CA10: variants seen among roughly 807,000 people sequenced by gnomAD.
CA10 encodes the protein carbonic anhydrase-related protein 10.
CA10 carries 14 observed loss-of-function variants against 44.2 expected under a neutral mutation model. That is an observed-to-expected ratio of 0.32 (90% CI 0.21 to 0.50). The LOEUF (loss-of-function observed/expected upper bound fraction) is 0.50, where lower values mean the gene tolerates loss of function less well. Among genes scored for constraint, CA10 ranks in the 20% least tolerant of loss-of-function variants. The probability of loss-of-function intolerance (pLI) is 0.99; values close to 1 mark genes in which losing one functional copy is unlikely to be tolerated. For missense variants in CA10, 350 were observed against 409.7 expected (o/e 0.85, Z 1.26); for synonymous variants, 159 against 141.6 (o/e 1.12, Z -0.87).
chr17:51,855,685 C>T (rs74485878), intron 3 of CA10, among the ~76,000 whole-genome samples: 1,617 of 152,324 alleles, frequency 0.011, 10 homozygotes, highest in Non-Finnish European at 0.016. Flanking sequence ...GGTGCTGGCT[C>T]GTCTCTTCAA....
chr17:51,702,958 T>C lies in CA10; in HGVS notation c.465+44675A>G, dbSNP rs9906354. On this transcript the variant is annotated intron_variant, in intron 4 of 8. Transcript: ENST00000451037. ...TTACCCAGGACTTTGGGAATGGTCTTTTTGTAATACATTCTCCTCAAATAA... is the reference window on the plus strand; with the variant it reads ...TTACCCAGGACTTTGGGAATGGTCTCTTTGTAATACATTCTCCTCAAATAA... Among the ~76,000 whole-genome samples, 950 of 152,294 alleles carry C rather than the reference T, an allele frequency of 6.2e-3. 8 individuals are homozygous for C. The highest frequency in any genetic ancestry group is 0.022 in the African/African-American group (897 of 41,552).
intron 1 of CA10, among the ~76,000 whole-genome samples, chr17:52,124,491 A>G (rs759010437): frequency 6.6e-6 from 1 of 152,242 alleles, no homozygotes; most frequent in Non-Finnish European, 1.5e-5. Flanking sequence ...AATGAATGAT[A>G]TAAGTCATGT....
At chr17:52,075,606 T>C (rs1987797570) in intron 1 of CA10, among the ~76,000 whole-genome samples, 1 of 152,200 alleles carries the variant, frequency 6.6e-6, no homozygotes, top group African/African-American at 2.4e-5. Context: ...TTTCTAACTA[T>C]CTAATATGTT....
At chr17:51,903,562 C>A (rs1480375006) in intron 3 of CA10, among the ~76,000 whole-genome samples, 1 of 152,126 alleles carries the variant, frequency 6.6e-6, no homozygotes, top group African/African-American at 2.4e-5. Context: ...AGATCCCAAC[C>A]TGAAGCATCC....
chr17:52,066,882 A>G (rs1205072593), intron 2 of CA10, among the ~76,000 whole-genome samples: 1 of 152,178 alleles, frequency 6.6e-6, no homozygotes, highest in Non-Finnish European at 1.5e-5. Context: ...TTCTAAGCAG[A>G]AAACCATTCA....
At chr17:52,150,573 T>C (rs1032680371) in intron 1 of CA10, among the ~76,000 whole-genome samples, 4 of 152,158 alleles carry the variant, frequency 2.6e-5, no homozygotes, top group African/African-American at 9.6e-5. Flanking sequence ...AACCATAGAG[T>C]GGGTAAAATG....
chr17:51,687,432 A>G (rs1470588214), intron 4 of CA10, among the ~76,000 whole-genome samples: 2 of 152,228 alleles, frequency 1.3e-5, no homozygotes, highest in African/African-American at 4.8e-5. Flanking sequence ...TTCACTGCTA[A>G]ATTCTCAATG....
chr17:51,855,124 T>C (rs1279231411), intron 3 of CA10, among the ~76,000 whole-genome samples: 2 of 152,214 alleles, frequency 1.3e-5, no homozygotes, highest in East Asian at 3.8e-4. Context: ...TGTGTCTTTC[T>C]GCTTTGTTAC....
intron 3 of CA10, among the ~76,000 whole-genome samples, chr17:51,848,104 A>G (rs965699029): frequency 2.6e-5 from 4 of 152,176 alleles, no homozygotes; most frequent in Admixed American, 1.3e-4. Flanking sequence ...GATAAGTAAT[A>G]TTTTCATGCA....
intron 3 of CA10, among the ~76,000 whole-genome samples, chr17:51,928,506 C>A (rs1427532565): frequency 1.3e-5 from 2 of 152,098 alleles, no homozygotes; most frequent in African/African-American, 4.8e-5. Context: ...TAACGCAAGT[C>A]AGGGGCTTCC....
At chr17:52,000,817 A>C (rs1294365033) in intron 2 of CA10, among the ~76,000 whole-genome samples, 3 of 151,720 alleles carry the variant, frequency 2.0e-5, no homozygotes, top group Non-Finnish European at 2.9e-5. Context: ...CTGAGGTTCA[A>C]ATATTAAGAG....
chr17:51,932,054 T>C (rs1013169484), intron 2 of CA10, among the ~76,000 whole-genome samples: 3 of 152,050 alleles, frequency 2.0e-5, no homozygotes, highest in South Asian at 2.1e-4. Flanking sequence ...CATCCACCCA[T>C]AGTACATGCA....
At chr17:52,013,230 G>A (rs1985864338) in intron 2 of CA10, among the ~76,000 whole-genome samples, 1 of 151,874 alleles carries the variant, frequency 6.6e-6, no homozygotes, top group Non-Finnish European at 1.5e-5. Context: ...ATCAATGTAG[G>A]AGTAGTCAGA....
chr17:51,723,349 T>A (rs1916412132), intron 4 of CA10, among the ~76,000 whole-genome samples: 1 of 152,206 alleles, frequency 6.6e-6, no homozygotes, highest in Admixed American at 6.5e-5. Context: ...AATTGGAGGA[T>A]GAATCATGAA....
intron 4 of CA10, among the ~76,000 whole-genome samples, chr17:51,720,202 AT>A (rs1916308494): frequency 6.6e-6 from 1 of 152,202 alleles, no homozygotes; most frequent in Non-Finnish European, 1.5e-5. Flanking sequence ...GAATTATTCT[AT>A]TGAGTAATCT....
chr17:51,783,195 G>C (rs1341161927), intron 3 of CA10, among the ~76,000 whole-genome samples: 1 of 152,102 alleles, frequency 6.6e-6, no homozygotes, highest in Non-Finnish European at 1.5e-5. Context: ...ATGATAAGCA[G>C]GGTAATGCCC....
At chr17:51,887,507 G>C (rs892577487) in intron 3 of CA10, among the ~76,000 whole-genome samples, 2 of 152,174 alleles carry the variant, frequency 1.3e-5, no homozygotes, top group African/African-American at 4.8e-5. Context: ...GAACAGCAAA[G>C]TCTTTGGACT....
intron 4 of CA10, among the ~76,000 whole-genome samples, chr17:51,706,349 C>G (rs145741529): frequency 1.3e-5 from 2 of 152,344 alleles, no homozygotes; most frequent in African/African-American, 4.8e-5. Context: ...CTCATGGAAA[C>G]TGTACATTTC....
At chr17:51,813,973 C>T (rs893426917) in intron 3 of CA10, among the ~76,000 whole-genome samples, 6 of 152,200 alleles carry the variant, frequency 3.9e-5, no homozygotes, top group Non-Finnish European at 7.3e-5. Context: ...TTTCCTGCTA[C>T]AGTCAAAATC....
Sources: allele counts gnomAD v4.1 joint callset (sites outside exome capture counted in the v4.1 genomes callset), GRCh38; gene constraint gnomAD v4.1.1; transcripts MANE v1.5; gene names NCBI Gene and HGNC (gene_info 2026-07-23, HGNC 2026-07-21).